OLA1: variants seen among roughly 807,000 people sequenced by gnomAD.
OLA1 encodes obg-like ATPase 1.
In OLA1, 14 loss-of-function variants were observed where a neutral mutation model predicts 48.4. That is an observed-to-expected ratio of 0.29 (90% CI 0.19 to 0.45). The LOEUF (loss-of-function observed/expected upper bound fraction) is 0.45, where lower values mean the gene tolerates loss of function less well. Ranked by LOEUF, OLA1 falls within the 20% of genes least tolerant of loss-of-function variation. The pLI, the probability that OLA1 is intolerant of heterozygous loss-of-function variation, is 1.00. For missense variants in OLA1, 325 were observed against 467.1 expected (o/e 0.70, Z 2.80); for synonymous variants, 127 against 150.4 (o/e 0.84, Z 1.14).
At chr2:174,107,135 T>C (rs1485058054) in intron 7 of OLA1, among the ~76,000 whole-genome samples, 2 of 152,126 alleles carry the variant, frequency 1.3e-5, no homozygotes, top group African/African-American at 4.8e-5. Flanking sequence ...CAGTTTAGAA[T>C]GTGAAATGTC....
At chr2:174,140,630 A>G (rs1328743993) in intron 5 of OLA1, among the ~76,000 whole-genome samples, 1 of 152,064 alleles carries the variant, frequency 6.6e-6, no homozygotes, top group Non-Finnish European at 1.5e-5. Context: ...GGCCTCCCAA[A>G]GTGCTGGAAT....
At chr2:174,214,059 G>A (rs954175326) in intron 4 of OLA1, among the ~76,000 whole-genome samples, 31 of 151,636 alleles carry the variant, frequency 2.0e-4, no homozygotes, top group Non-Finnish European at 3.4e-4. Context: ...AAGGCCAGGC[G>A]CAGTACCTCA....
rs1010328017 is a variant in OLA1 at position 174,075,264 on chromosome 2, G to GC, written c.*161_*162insG. On this transcript the variant is annotated 3_prime_UTR_variant, in exon 11 of 11. Coordinates refer to ENST00000284719, the MANE Select transcript of OLA1 (RefSeq NM_013341.5). ...GAACCTGCATTTCATGGGGGGGGGG[G>GC]GGTACACAGTATTTTAATTTTAAAA... 24 of 521,604 alleles carry GC rather than the reference G, an allele frequency of 4.6e-5. 1 individual carries two copies. The Admixed American group carries it at 5.7e-4, about 12-fold the overall frequency. The allele number at this position is 521,604 out of a possible 1,614,324, so 32.3% of individuals were successfully genotyped here.
chr2:174,166,778 T>C (rs1433871737), intron 4 of OLA1, among the ~76,000 whole-genome samples: 1 of 152,160 alleles, frequency 6.6e-6, no homozygotes, highest in Non-Finnish European at 1.5e-5. Flanking sequence ...ATGCAGCAGA[T>C]TGTATTTCTT....
At chr2:174,246,347 C>T (rs1411050655) in intron 2 of OLA1, among the ~76,000 whole-genome samples, 1 of 151,908 alleles carries the variant, frequency 6.6e-6, no homozygotes. Flanking sequence ...ACTCAAATTT[C>T]TGCTCTCAGA....
chr2:174,102,386 C>T (rs1039885924), intron 7 of OLA1, among the ~76,000 whole-genome samples: 1 of 151,386 alleles, frequency 6.6e-6, no homozygotes, highest in African/African-American at 2.4e-5. Context: ...GAGTCATGGC[C>T]GACAGAGAAA....
intron 4 of OLA1, among the ~76,000 whole-genome samples, chr2:174,158,507 C>T (rs375159363): frequency 1.8e-4 from 27 of 152,170 alleles, no homozygotes; most frequent in African/African-American, 5.8e-4. Flanking sequence ...AACTCAGATA[C>T]AGTCTTGAAA....
intron 7 of OLA1, among the ~76,000 whole-genome samples, chr2:174,086,733 C>T (rs530637850): frequency 1.1e-4 from 17 of 152,290 alleles, no homozygotes; most frequent in African/African-American, 4.1e-4. Context: ...GTACAGTTCA[C>T]ATTCGGGGGT....
intron 4 of OLA1, among the ~76,000 whole-genome samples, chr2:174,186,460 C>T (rs907905321): frequency 1.3e-4 from 20 of 152,158 alleles, no homozygotes; most frequent in Non-Finnish European, 2.2e-4. Context: ...AATGCAAGTG[C>T]ACAGCACACA....
chr2:174,135,588 G>C (rs1295498755), intron 5 of OLA1, among the ~76,000 whole-genome samples: 1 of 152,214 alleles, frequency 6.6e-6, no homozygotes, highest in East Asian at 1.9e-4. Context: ...TGGTGCAAAA[G>C]AGGAAGGAGT....
At chr2:174,222,372 CTT>C (rs1688524721) in intron 4 of OLA1, among the ~76,000 whole-genome samples, 1 of 152,174 alleles carries the variant, frequency 6.6e-6, no homozygotes. Context: ...TCACCTCTAA[CTT>C]GTGTTTTCTT....
At chr2:174,123,754 T>G in intron 5 of OLA1, 79 bp from the exon 6 acceptor site, 2 of 651,478 alleles carry the variant, frequency 3.1e-6, no homozygotes, top group Non-Finnish European at 4.8e-6. Flanking sequence ...GTTTTCAAAT[T>G]TTCAAAATAA....
At chr2:174,215,747 T>A (rs996075868) in intron 4 of OLA1, among the ~76,000 whole-genome samples, 2 of 152,152 alleles carry the variant, frequency 1.3e-5, no homozygotes, top group African/African-American at 4.8e-5. Flanking sequence ...AAACTAAAAA[T>A]GCCATATAAA....
intron 7 of OLA1, among the ~76,000 whole-genome samples, chr2:174,111,962 G>A (rs1179146758): frequency 1.3e-5 from 2 of 152,126 alleles, no homozygotes; most frequent in African/African-American, 4.8e-5. Flanking sequence ...TTTTTAGAGA[G>A]AAGTCCATAC....
intron 9 of OLA1, among the ~76,000 whole-genome samples, chr2:174,080,396 T>C (rs2105338742): frequency 6.6e-6 from 1 of 152,258 alleles, no homozygotes; most frequent in East Asian, 1.9e-4. Context: ...TTATATTCTG[T>C]AACATACTAT....
chr2:174,081,792 T>G (rs1291809312), intron 8 of OLA1, 132 bp downstream of exon 8: 27 of 862,708 alleles, frequency 3.1e-5, no homozygotes, highest in Non-Finnish European at 4.5e-5. Context: ...TGTCTCATGG[T>G]AAAGAAAGGA....
intron 5 of OLA1, among the ~76,000 whole-genome samples, chr2:174,130,523 G>C (rs996444973): frequency 1.3e-5 from 2 of 152,092 alleles, no homozygotes; most frequent in Non-Finnish European, 2.9e-5. Flanking sequence ...GCAATAAAGT[G>C]GCAACCAAAA....
At chr2:174,109,613 C>T (rs1685601340) in intron 7 of OLA1, among the ~76,000 whole-genome samples, 1 of 152,176 alleles carries the variant, frequency 6.6e-6, no homozygotes, top group Admixed American at 6.6e-5. Flanking sequence ...CTGATATTCT[C>T]CATATCCTCT....
At chr2:174,172,156 G>A (rs1449555133) in intron 4 of OLA1, 38 of 219,006 alleles carry the variant, frequency 1.7e-4, no homozygotes, top group Non-Finnish European at 4.0e-5. Context: ...CAGTGGAGGA[G>A]CTGGAGAGAT....
Sources: gnomAD v4.1 joint callset for allele counts (sites outside exome capture counted in the v4.1 genomes callset) on GRCh38, gnomAD v4.1.1 for gene constraint, MANE v1.5 for transcripts, NCBI Gene and HGNC (gene_info 2026-07-23, HGNC 2026-07-21) for gene names.